The following SHROOM4 variants were observed in gnomAD, a reference collection of about 807,000 sequenced individuals.
SHROOM4 encodes protein Shroom4.
SHROOM4 carries 17 observed loss-of-function variants against 80.3 expected under a neutral mutation model. The observed-to-expected ratio is 0.21, with a 90% confidence interval of 0.14 to 0.32. The LOEUF (loss-of-function observed/expected upper bound fraction) is 0.32. SHROOM4 is among the 10% of genes least tolerant of loss of function. SHROOM4 has a pLI of 1.00. For missense variants in SHROOM4, 993 were observed against 1,140.3 expected (o/e 0.87, Z 1.86); for synonymous variants, 400 against 437.5 (o/e 0.91, Z 1.07).
intron 5 of SHROOM4, among the ~76,000 whole-genome samples, chrX:50,618,321 T>TTCCTTCCTTCCTTCCC (rs1930369638): frequency 4.4e-4 from 1 of 2,283 alleles, no homozygotes; most frequent in Non-Finnish European, 8.7e-4. Context: ...CCTTCCTTCC[T>TTCCTTCCTTCCTTCCC]TCCTTCCTTC....
At position 50,595,544 on chromosome X, in the gene SHROOM4, A is replaced by G. The variant is rs782457613; in HGVS notation, c.*1151T>C. 2 of 187,587 alleles carry G rather than the reference A, an allele frequency of 1.1e-5. No individual in the cohort carries two copies. Among genetic ancestry groups the G allele is most frequent in the South Asian group, 1.7e-4 (2 of 11,812 alleles). 15.5% of individuals were successfully genotyped at this position (187,587 alleles called of 1,213,427 possible). On this transcript the variant is annotated 3_prime_UTR_variant, in exon 9 of 9. Transcript: ENST00000376020. Reference sequence around the variant, plus strand: ...AAAGAAATCAGTAAGAAAAACTTAAACCCTGCTGGGGAATGCTAAACTCAA... The same window carrying G: ...AAAGAAATCAGTAAGAAAAACTTAAGCCCTGCTGGGGAATGCTAAACTCAA...
chrX:50,608,650 C>T (rs1423311876), intron 5 of SHROOM4, among the ~76,000 whole-genome samples: 5 of 111,993 alleles, frequency 4.5e-5, no homozygotes, highest in African/African-American at 1.6e-4. Context: ...CCTGGTTATC[C>T]TGCCTCATCT....
At chrX:50,738,873 G>C (rs1934572521) in intron 1 of SHROOM4, among the ~76,000 whole-genome samples, 1 of 111,636 alleles carries the variant, frequency 9.0e-6, no homozygotes, top group Non-Finnish European at 1.9e-5. Flanking sequence ...ACATTGCCAA[G>C]TCAATCCTAA....
intron 1 of SHROOM4, among the ~76,000 whole-genome samples, chrX:50,793,278 AG>A (rs1935889576): frequency 9.1e-6 from 1 of 110,195 alleles, no homozygotes; most frequent in Non-Finnish European, 1.9e-5. Context: ...GCCAGGAGCC[AG>A]GGGGAGAGGG....
chrX:50,614,417 TACCAATCAATAAAAGGG>T (rs1316730674), intron 5 of SHROOM4, among the ~76,000 whole-genome samples: 2 of 112,186 alleles, frequency 1.8e-5, no homozygotes, highest in African/African-American at 6.5e-5. Flanking sequence ...GAAGTATGCT[TACCAATCAATAAAAGGG>T]ACCAACAACT....
intron 1 of SHROOM4, among the ~76,000 whole-genome samples, chrX:50,735,437 A>C (rs782098376): frequency 8.9e-6 from 1 of 112,194 alleles, no homozygotes; most frequent in South Asian, 3.7e-4. Flanking sequence ...ATGATACCAA[A>C]AGCATGAGTA....
chrX:50,728,968 T>C (rs1342667340), intron 1 of SHROOM4, among the ~76,000 whole-genome samples: 1 of 31,960 alleles, frequency 3.1e-5, no homozygotes, highest in Non-Finnish European at 5.9e-5. Flanking sequence ...AGTCAAAAAA[T>C]AAACAGACAA....
intron 2 of SHROOM4, among the ~76,000 whole-genome samples, chrX:50,652,629 G>C (rs1196445246): frequency 8.9e-6 from 1 of 112,013 alleles, no homozygotes; most frequent in Non-Finnish European, 1.9e-5. Flanking sequence ...TGGTGTTTTA[G>C]ACATGAAGTC....
At chrX:50,578,916 C>T in the SHROOM4 span, among the ~76,000 whole-genome samples, 4 of 111,605 alleles carry the variant, frequency 3.6e-5, no homozygotes, top group African/African-American at 1.3e-4. Flanking sequence ...CAAGTATACA[C>T]TGGTAGTATA....
chrX:50,650,301 T>A (rs917883299), intron 2 of SHROOM4, among the ~76,000 whole-genome samples: 1 of 112,376 alleles, frequency 8.9e-6, no homozygotes, highest in Admixed American at 9.4e-5. Context: ...TTTCATACTT[T>A]TAAATCATTT....
At chrX:50,580,787 T>TCAAA in the SHROOM4 span, among the ~76,000 whole-genome samples, 39 of 111,589 alleles carry the variant, frequency 3.5e-4, no homozygotes, top group African/African-American at 3.6e-4. Context: ...AGACCCCACC[T>TCAAA]CAAACAAACA....
chrX:50,651,376 A>G (rs575304603), intron 2 of SHROOM4, among the ~76,000 whole-genome samples: 5 of 112,103 alleles, frequency 4.5e-5, no homozygotes, highest in African/African-American at 1.6e-4. Context: ...ACTCAGGCTT[A>G]GGGAGGTGAA....
intron 1 of SHROOM4, among the ~76,000 whole-genome samples, chrX:50,729,860 A>G (rs1314401253): frequency 2.7e-5 from 3 of 111,807 alleles, no homozygotes; most frequent in Non-Finnish European, 3.8e-5. Context: ...TGAATGAAAA[A>G]AAAATACATC....
At chrX:50,724,139 C>T (rs1557265717) in intron 1 of SHROOM4, among the ~76,000 whole-genome samples, 1 of 111,312 alleles carries the variant, frequency 9.0e-6, no homozygotes, top group African/African-American at 3.3e-5. Flanking sequence ...TCCCATCCCA[C>T]AGCACTAAAG....
chrX:50,644,073 TGA>T (rs1460238183), intron 2 of SHROOM4, among the ~76,000 whole-genome samples: 7 of 111,992 alleles, frequency 6.3e-5, no homozygotes, highest in African/African-American at 2.3e-4. Flanking sequence ...GGCAAGTGAC[TGA>T]GAGATTTTCC....
At chrX:50,737,872 C>T (rs782704201) in intron 1 of SHROOM4, among the ~76,000 whole-genome samples, 4 of 111,036 alleles carry the variant, frequency 3.6e-5, no homozygotes, top group Non-Finnish European at 5.7e-5. Context: ...TGAAACACAA[C>T]AAAAAAAGAG....
chrX:50,699,000 A>G lies in SHROOM4; in HGVS notation c.118-3063T>C, dbSNP rs145955596. Among the ~76,000 whole-genome samples, 10 of 112,373 alleles carry G rather than the reference A, an allele frequency of 8.9e-5. 1 individual carries two copies. The Admixed American group carries it at 9.4e-4, about 11-fold the overall frequency. On this transcript the variant is annotated intron_variant, in intron 1 of 8. Coordinates refer to ENST00000376020, the MANE Select transcript of SHROOM4 (RefSeq NM_020717.5). ...ACATACCTTGTTTGAGGGGCTGTAT[A>G]ACAATATATGATGCTATCCATTCAG...
At chrX:50,688,493 T>C (rs1557262440) in intron 2 of SHROOM4, among the ~76,000 whole-genome samples, 2 of 111,528 alleles carry the variant, frequency 1.8e-5, no homozygotes, top group African/African-American at 6.5e-5. Flanking sequence ...GAACACCACA[T>C]GTTCTCACTC....
At chrX:50,810,656 G>C (rs1444712147) in intron 1 of SHROOM4, among the ~76,000 whole-genome samples, 2 of 111,827 alleles carry the variant, frequency 1.8e-5, no homozygotes, top group Non-Finnish European at 3.8e-5. Flanking sequence ...TTACAGGCTG[G>C]CATGGAAAGG....
Sources: gnomAD v4.1 joint callset for allele counts (sites outside exome capture counted in the v4.1 genomes callset) on GRCh38, gnomAD v4.1.1 for gene constraint, MANE v1.5 for transcripts, NCBI Gene and HGNC (gene_info 2026-07-23, HGNC 2026-07-21) for gene names.